Variants in RAPSN observed in about 807,000 individuals in gnomAD.
The protein encoded by RAPSN is 43 kDa receptor-associated protein of the synapse.
Under a neutral mutation model 45.7 loss-of-function variants are expected in RAPSN, and 33 were observed. The ratio of observed to expected loss-of-function variants is 0.72; its 90% CI spans 0.55 to 0.97. The LOEUF (loss-of-function observed/expected upper bound fraction) is 0.97, where lower values mean the gene tolerates loss of function less well. Among genes scored for constraint, RAPSN ranks in the 50% least tolerant of loss-of-function variants. The pLI is 0.00. For missense variants in RAPSN, 519 were observed against 559.4 expected (o/e 0.93, Z 0.73); for synonymous variants, 244 against 233.6 (o/e 1.04, Z -0.40).
chr11:47,441,322 C>T, intron 5 of RAPSN, 110 bp from the exon 6 acceptor site: 1 of 1,431,174 alleles, frequency 7.0e-7, no homozygotes, highest in Non-Finnish European at 9.7e-7. Flanking sequence ...ATGGCAGCTG[C>T]CTTGTGTGTG....
chr11:47,447,485 CT>C (rs1480043616), intron 2 of RAPSN, among the ~76,000 whole-genome samples: 2 of 152,186 alleles, frequency 1.3e-5, no homozygotes, highest in East Asian at 1.9e-4. Context: ...TTTTACAGAT[CT>C]CTCCCAAGGT....
At chr11:47,447,462 C>G (rs2076416265) in intron 2 of RAPSN, among the ~76,000 whole-genome samples, 1 of 152,066 alleles carries the variant, frequency 6.6e-6, no homozygotes, top group Admixed American at 6.5e-5. Flanking sequence ...AAGGTGAGTC[C>G]TATTCTCCTT....
At chr11:47,445,722 A>G (rs571041856) in intron 2 of RAPSN, among the ~76,000 whole-genome samples, 179 of 152,218 alleles carry the variant, frequency 1.2e-3, no homozygotes, top group African/African-American at 4.1e-3. Flanking sequence ...TGTAGGGTAA[A>G]GCAAATATTT....
At chr11:47,440,947 C>T (rs985935968) in intron 6 of RAPSN, among the ~76,000 whole-genome samples, 3 of 152,148 alleles carry the variant, frequency 2.0e-5, no homozygotes, top group Non-Finnish European at 2.9e-5. Flanking sequence ...CTGAGGAATT[C>T]TGCTATCCTC....
At position 47,437,962 on chromosome 11, in the gene RAPSN, C is replaced by T. The variant is rs1323125821; in HGVS notation, c.*13G>A. 1 of 1,550,968 alleles carries T rather than the reference C, an allele frequency of 6.4e-7. No homozygotes were observed. Among genetic ancestry groups the T allele is most frequent in the East Asian group, 2.4e-5 (1 of 40,912 alleles). The stretch of plus-strand genomic sequence containing the variant: ...GGAGTGGCGAGGAGGAAGCCCACGC[C>T]TGCTGCCAGGAGTCATACAAAGCCA... On this transcript the variant is annotated 3_prime_UTR_variant, in exon 8 of 8. Transcript: ENST00000298854.
At chr11:47,441,414 A>T in intron 5 of RAPSN, 197 bp downstream of exon 5, 1 of 1,224,254 alleles carries the variant, frequency 8.2e-7, no homozygotes, top group Non-Finnish European at 1.1e-6. Flanking sequence ...CCAGGGTTCC[A>T]GCCCTTTACT....
chr11:47,444,994 C>T (rs1389720912), intron 2 of RAPSN, among the ~76,000 whole-genome samples: 1 of 151,656 alleles, frequency 6.6e-6, no homozygotes, highest in Non-Finnish European at 1.5e-5. Context: ...GAGGCCAAGG[C>T]GGGTGGACTA....
At position 47,437,788 on chromosome 11, in the gene RAPSN, T is replaced by C. The variant is rs1207761312; in HGVS notation, c.*187A>G. Reference sequence around the variant, plus strand: ...ACCAGGTACAAACAGTTTATTTTTCTATAAAGAGCAAAGTACAAAGAGGCA... The same window carrying C: ...ACCAGGTACAAACAGTTTATTTTTCCATAAAGAGCAAAGTACAAAGAGGCA... On this transcript the variant is annotated 3_prime_UTR_variant, in exon 8 of 8. Coordinates refer to ENST00000298854, the MANE Select transcript of RAPSN (RefSeq NM_005055.5). 1.4e-6 allele frequency: 1 copy of C among 739,820 alleles called. No individual in the cohort carries two copies. Among genetic ancestry groups the C allele is most frequent in the Non-Finnish European group, 2.3e-6 (1 of 431,376 alleles). The allele number at this position is 739,820 out of a possible 1,614,324, so 45.8% of individuals were successfully genotyped here. A position where few individuals can be genotyped will look rare whatever the true frequency, so the allele number is the denominator to read the frequency against.
At chr11:47,440,992 G>C (rs533910687) in intron 6 of RAPSN, among the ~76,000 whole-genome samples, 167 bp downstream of exon 6, 1 of 152,322 alleles carries the variant, frequency 6.6e-6, no homozygotes, top group South Asian at 2.1e-4. Flanking sequence ...CCTCAGAAGT[G>C]CTGTGTGTGT....
At position 47,448,393 on chromosome 11, in the gene RAPSN, C is replaced by T. The variant is rs57830455; in HGVS notation, c.193-243G>A. 0.017 allele frequency among the ~76,000 whole-genome samples: 2,550 copies of T among 152,040 alleles called. 46 individuals are homozygous for T. The highest frequency in any genetic ancestry group is 0.047 in the African/African-American group (1,949 of 41,400). The stretch of plus-strand genomic sequence containing the variant: ...GCAGCCTTCACCTTCTATCCCAAGC[C>T]TCAGATCTGGAGTCTCCACCACCCA... On this transcript the variant is annotated intron_variant, in intron 1 of 7. Transcript: ENST00000298854.
At chr11:47,447,545 T>C (rs183188661) in intron 2 of RAPSN, among the ~76,000 whole-genome samples, 3 of 152,204 alleles carry the variant, frequency 2.0e-5, no homozygotes, top group Admixed American at 1.3e-4. Flanking sequence ...AACATGGCAG[T>C]GCAGGCCGCT....
Position 47,441,667 on chromosome 11 carries a change from C to T in RAPSN, c.856G>A (p.Val286Met). ...MTEIGNRLGQ[V>M]QALLGVAKCW... ...TTGGCCACACCCAGCAGCGCCTGCA[C>T]CTGCCCCAGGCGGTTTCCGATCTCG... Residue 286 changes from valine (V) to methionine (M), a missense_variant, in exon 5 of 8, where the codon GTG (valine) becomes ATG (methionine). Transcript: ENST00000298854. 6.2e-7 allele frequency: 1 copy of T among 1,609,926 alleles called. No homozygotes were observed. Among genetic ancestry groups the T allele is most frequent in the Non-Finnish European group, 8.5e-7 (1 of 1,179,834 alleles).
At chr11:47,442,612 C>CACACCACCTCATCCCCGACCT in intron 3 of RAPSN, 44 bp downstream of exon 3, 1 of 1,603,130 alleles carries the variant, frequency 6.2e-7, no homozygotes, top group South Asian at 1.1e-5. Context: ...GCCCCTGGCC[C>CACACCACCTCATCCCCGACCT]ACACCACCTC....
chr11:47,448,002 C>A lies in RAPSN; in HGVS notation c.341G>T (p.Gly114Val). ...TCCGAGCTGGGCACCTGCCCTGGTA[C>A]CAGGCAGCCCAAGGCAGGTCTTGCA... is the stretch of plus-strand genomic sequence containing the variant. ...SYCKTCLGLP[G>V]TRAGAQLGGQ... Residue 114 changes from glycine to valine, a missense_variant, in exon 2 of 8, where the codon GGT becomes GTT. Transcript: ENST00000298854. 1 of 1,614,008 alleles carries A rather than the reference C, an allele frequency of 6.2e-7. No homozygotes were observed. The highest frequency in any genetic ancestry group is 1.1e-5 in the South Asian group (1 of 91,086).
At position 47,448,020 on chromosome 11, in the gene RAPSN, G is replaced by C. The variant is rs1403312497; in HGVS notation, c.323C>G (p.Thr108Ser). Residue 108 changes from threonine to serine, a missense_variant, in exon 2 of 8, where the codon ACC becomes AGC. Coordinates refer to ENST00000298854, the MANE Select transcript of RAPSN (RefSeq NM_005055.5). The part of the protein sequence containing the change: ...EFHKTISYCK[T>S]CLGLPGTRAG... ...CCTGGTACCAGGCAGCCCAAGGCAG[G>C]TCTTGCAGTAGGAGATGGTCTTGTG... 1.2e-6 allele frequency: 2 copies of C among 1,614,080 alleles called. No individual in the cohort carries two copies. Among genetic ancestry groups the C allele is most frequent in the Admixed American group, 3.3e-5 (2 of 60,020 alleles).
chr11:47,440,236 G>A (rs1156700148), intron 6 of RAPSN, among the ~76,000 whole-genome samples: 1 of 152,154 alleles, frequency 6.6e-6, no homozygotes, highest in Non-Finnish European at 1.5e-5. Flanking sequence ...GTACCCATAA[G>A]GACCCTGTGT....
At chr11:47,439,441 T>TCCAGCCTGGGCTCTAATAGTGAAA in intron 6 of RAPSN, among the ~76,000 whole-genome samples, 1 of 152,002 alleles carries the variant, frequency 6.6e-6, no homozygotes, top group East Asian at 1.9e-4. Context: ...ACCACTGCAC[T>TCCAGCCTGGGCTCTAATAGTGAAA]CCAGCCTGGG....
intron 2 of RAPSN, among the ~76,000 whole-genome samples, chr11:47,446,922 T>G (rs990404183): frequency 3.3e-5 from 5 of 152,020 alleles, no homozygotes; most frequent in Admixed American, 6.6e-5. Flanking sequence ...CGCCAAAAAA[T>G]ACCCAGGATC....
At chr11:47,438,974 CAA>C (rs1565682302) in intron 6 of RAPSN, 43 bp from the exon 7 acceptor site, 2 of 1,541,346 alleles carry the variant, frequency 1.3e-6, no homozygotes, top group African/African-American at 1.4e-5. Flanking sequence ...GGGATGAGAA[CAA>C]AGTCAGTGCA....
Sources: allele counts gnomAD v4.1 joint callset (sites outside exome capture counted in the v4.1 genomes callset), GRCh38; gene constraint gnomAD v4.1.1; transcripts MANE v1.5; gene names NCBI Gene and HGNC (gene_info 2026-07-23, HGNC 2026-07-21).